The following DPP6 variants were observed in gnomAD, a reference collection of about 807,000 sequenced individuals.
The protein encoded by DPP6 is A-type potassium channel modulatory protein DPP6.
DPP6 carries 69 observed loss-of-function variants against 122.6 expected under a neutral mutation model. The observed-to-expected ratio is 0.56, with a 90% CI of 0.46 to 0.69. The LOEUF is 0.69. Ranked by LOEUF, DPP6 falls within the 30% of genes least tolerant of loss-of-function variation. DPP6 has a pLI of 0.00. For missense variants in DPP6, 928 were observed against 1,116.9 expected (o/e 0.83, Z 2.41); for synonymous variants, 418 against 433.1 (o/e 0.97, Z 0.43).
chr7:154,695,388 C>T (rs73167005), intron 7 of DPP6, among the ~76,000 whole-genome samples: 118 of 152,250 alleles, frequency 7.8e-4, no homozygotes, highest in Non-Finnish European at 1.6e-3. Flanking sequence ...AAAGGGAAAA[C>T]GTTACTGTTG....
chr7:153,782,010 G>C, the DPP6 span, among the ~76,000 whole-genome samples: 1 of 94,322 alleles, frequency 1.1e-5, no homozygotes, highest in East Asian at 2.4e-4. Context: ...ACACACACAC[G>C]CCTGACATTT....
chr7:154,275,725 C>A (rs553445808), intron 1 of DPP6, among the ~76,000 whole-genome samples: 3 of 152,194 alleles, frequency 2.0e-5, no homozygotes, highest in Non-Finnish European at 2.9e-5. Flanking sequence ...CTCTGTGAGA[C>A]GTTGTGGGGA....
chr7:154,664,177 A>T (rs532506174), intron 6 of DPP6, among the ~76,000 whole-genome samples: 3 of 145,176 alleles, frequency 2.1e-5, no homozygotes, highest in East Asian at 4.2e-4. Flanking sequence ...TCACTATGGC[A>T]TATTGGCGCT....
the DPP6 span, among the ~76,000 whole-genome samples, chr7:153,766,510 C>T: frequency 6.6e-6 from 1 of 152,132 alleles, no homozygotes; most frequent in Non-Finnish European, 1.5e-5. Context: ...ACAATAGAAC[C>T]TTGCCATTAA....
chr7:154,367,019 G>A (rs549678820), intron 1 of DPP6, among the ~76,000 whole-genome samples: 15 of 152,294 alleles, frequency 9.8e-5, no homozygotes, highest in African/African-American at 3.6e-4. Flanking sequence ...GATTAGTGTC[G>A]GTGTTCTTGT....
At position 153,964,985 on chromosome 7, in the gene DPP6, T is replaced by C. The variant is rs1472696739; in HGVS notation, c.51+77251T>C. The stretch of plus-strand genomic sequence containing the variant: ...CTTTCTTTCATTTCTTTTCCCTTCC[T>C]TCCTTCCTTCCTTTCTTCCTTCCTT... On this transcript the variant is annotated intron_variant, in intron 1 of 25. Transcript: ENST00000404039. Among the ~76,000 whole-genome samples the C allele has an allele frequency of 9.2e-3, 639 of 69,382 alleles. 13 individuals are homozygous for C. The highest frequency in any genetic ancestry group is 0.014 in the Non-Finnish European group (504 of 35,404). 45.5% of individuals were successfully genotyped at this position (69,382 alleles called of 152,430 possible). A position where few individuals can be genotyped will look rare whatever the true frequency, so the allele number is the denominator to read the frequency against.
chr7:154,803,987 A>G (rs559852324), intron 14 of DPP6, 32 bp downstream of exon 14: 1 of 1,607,870 alleles, frequency 6.2e-7, no homozygotes, highest in East Asian at 2.2e-5. Flanking sequence ...GCCCCATCTT[A>G]CTGGCCAATG....
intron 1 of DPP6, among the ~76,000 whole-genome samples, chr7:154,176,760 C>T (rs1424854368): frequency 2.0e-5 from 3 of 152,192 alleles, no homozygotes; most frequent in Admixed American, 1.3e-4. Context: ...GAGCAGGCAG[C>T]GCGTGCCTGG....
At chr7:153,792,217 C>T in the DPP6 span, among the ~76,000 whole-genome samples, 1 of 152,222 alleles carries the variant, frequency 6.6e-6, no homozygotes, top group African/African-American at 2.4e-5. Context: ...GTTCCACATC[C>T]TCTTCATTTC....
chr7:154,164,816 T>G (rs1454893591), intron 1 of DPP6, among the ~76,000 whole-genome samples: 1 of 152,308 alleles, frequency 6.6e-6, no homozygotes, highest in African/African-American at 2.4e-5. Flanking sequence ...TTATGGCCAA[T>G]AATATTCCAC....
At chr7:153,833,635 C>A in the DPP6 span, among the ~76,000 whole-genome samples, 2 of 151,520 alleles carry the variant, frequency 1.3e-5, no homozygotes, top group African/African-American at 4.9e-5. Context: ...TGGAGTGTCA[C>A]TGCACTCCAG....
chr7:153,996,717 A>G (rs2533578), intron 1 of DPP6, among the ~76,000 whole-genome samples: 133,648 of 151,994 alleles, frequency 0.88, 58,828 homozygotes, highest in African/African-American at 0.91. Context: ...GTTGTTGAAT[A>G]TTTAAATCGT....
At chr7:154,405,597 G>T (rs867573198) in intron 1 of DPP6, among the ~76,000 whole-genome samples, 1 of 152,094 alleles carries the variant, frequency 6.6e-6, no homozygotes, top group Non-Finnish European at 1.5e-5. Flanking sequence ...TCCCACTGGG[G>T]CTCTGGAGGC....
chr7:154,380,230 G>C (rs1187910151), intron 1 of DPP6, among the ~76,000 whole-genome samples: 1 of 152,156 alleles, frequency 6.6e-6, no homozygotes, highest in Non-Finnish European at 1.5e-5. Context: ...GTAAAAGAGG[G>C]GTAAGAGTAG....
At chr7:154,225,837 C>A (rs1328143920) in intron 1 of DPP6, among the ~76,000 whole-genome samples, 3 of 152,102 alleles carry the variant, frequency 2.0e-5, no homozygotes, top group Non-Finnish European at 4.4e-5. Context: ...CCCCATCTAC[C>A]AATACACTAG....
intron 1 of DPP6, among the ~76,000 whole-genome samples, chr7:154,271,162 T>G (rs569364974): frequency 6.6e-6 from 1 of 152,310 alleles, no homozygotes; most frequent in Non-Finnish European, 1.5e-5. Context: ...AATTTTAAGC[T>G]CTGGTAATAG....
chr7:154,323,190 CTG>C (rs1441080793), intron 1 of DPP6, among the ~76,000 whole-genome samples: 4 of 152,158 alleles, frequency 2.6e-5, no homozygotes, highest in Non-Finnish European at 5.9e-5. Flanking sequence ...GACAATAAAA[CTG>C]TGAGGATATT....
intron 1 of DPP6, among the ~76,000 whole-genome samples, chr7:154,283,670 A>T (rs141497556): frequency 6.6e-6 from 1 of 152,316 alleles, no homozygotes; most frequent in African/African-American, 2.4e-5. Context: ...TGTAGACAGA[A>T]CTTGTGCATC....
chr7:154,728,227 C>A (rs1842165966), intron 8 of DPP6, among the ~76,000 whole-genome samples: 1 of 152,186 alleles, frequency 6.6e-6, no homozygotes, highest in South Asian at 2.1e-4. Flanking sequence ...TCTGGGAACG[C>A]TCAGGGACTG....
Sources: allele counts gnomAD v4.1 joint callset (sites outside exome capture counted in the v4.1 genomes callset), GRCh38; gene constraint gnomAD v4.1.1; transcripts MANE v1.5; gene names NCBI Gene and HGNC (gene_info 2026-07-23, HGNC 2026-07-21).